Variants in SAMD5 observed in about 807,000 individuals in gnomAD.
The protein encoded by SAMD5 is sterile alpha motif domain containing 5, also known as sterile alpha motif domain-containing protein 5.
SAMD5 carries 13 observed loss-of-function variants against 11.3 expected under a neutral mutation model. The ratio of observed to expected loss-of-function variants is 1.15; its 90% confidence interval spans 0.75 to 1.83. SAMD5 has a LOEUF of 1.83. Ranked by LOEUF, SAMD5 falls within the 40% of genes most tolerant of loss-of-function variation. SAMD5 has a pLI of 0.00. For synonymous variants in SAMD5, 129 were observed against 111.3 expected, an observed-to-expected ratio of 1.16 and a Z score of -1.00; for missense variants, 255 against 239.1, an observed-to-expected ratio of 1.07 and a Z score of -0.44.
At chr6:147,813,937 AT>A in the SAMD5 span, among the ~76,000 whole-genome samples, 2 of 152,182 alleles carry the variant, frequency 1.3e-5, no homozygotes, top group Non-Finnish European at 2.9e-5. Flanking sequence ...CCATTTCCTT[AT>A]TGGGACTGGC....
At chr6:147,927,595 C>G in the SAMD5 span, among the ~76,000 whole-genome samples, 1 of 152,114 alleles carries the variant, frequency 6.6e-6, no homozygotes, top group African/African-American at 2.4e-5. Flanking sequence ...GATATTGAAT[C>G]ACGTAGATAT....
intron 1 of SAMD5, among the ~76,000 whole-genome samples, chr6:147,592,894 T>C (rs1415728854): frequency 6.6e-6 from 1 of 152,190 alleles, no homozygotes; most frequent in African/African-American, 2.4e-5. Context: ...TCATCCACCA[T>C]TGAGATCTTG....
the SAMD5 span, among the ~76,000 whole-genome samples, chr6:147,911,698 T>C: frequency 6.6e-6 from 1 of 152,248 alleles, no homozygotes; most frequent in Non-Finnish European, 1.5e-5. Context: ...GTACCAGTTA[T>C]CTATTGCTGT....
At chr6:147,844,881 G>A in the SAMD5 span, among the ~76,000 whole-genome samples, 3 of 152,060 alleles carry the variant, frequency 2.0e-5, no homozygotes, top group African/African-American at 4.8e-5. Context: ...GATGTTGGTC[G>A]ATAGGTACAA....
At chr6:147,932,626 GT>G in the SAMD5 span, among the ~76,000 whole-genome samples, 4 of 141,044 alleles carry the variant, frequency 2.8e-5, no homozygotes, top group Non-Finnish European at 6.1e-5. Flanking sequence ...GTGTGTGTGT[GT>G]GTGTGTGTGT....
chr6:147,721,792 A>C (rs2128459290), intron 1 of SAMD5, among the ~76,000 whole-genome samples: 1 of 152,288 alleles, frequency 6.6e-6, no homozygotes, highest in South Asian at 2.1e-4. Flanking sequence ...AATTGTGTTG[A>C]AAGTTTTATA....
the SAMD5 span, among the ~76,000 whole-genome samples, chr6:147,757,597 G>T: frequency 6.6e-6 from 1 of 152,126 alleles, no homozygotes; most frequent in Non-Finnish European, 1.5e-5. Context: ...GCTAGTGTTT[G>T]TATCATAGCA....
the SAMD5 span, among the ~76,000 whole-genome samples, chr6:147,815,221 C>T: frequency 4.6e-5 from 7 of 152,224 alleles, no homozygotes; most frequent in African/African-American, 9.6e-5. Flanking sequence ...TTACCAGCCT[C>T]GTTCACTGCC....
the SAMD5 span, among the ~76,000 whole-genome samples, chr6:147,908,151 G>A: frequency 2.8e-4 from 42 of 152,238 alleles, no homozygotes; most frequent in Non-Finnish European, 5.0e-4. Context: ...TGTTTAAAAT[G>A]TTTCTATATT....
chr6:147,832,481 G>T, the SAMD5 span, among the ~76,000 whole-genome samples: 6 of 152,188 alleles, frequency 3.9e-5, no homozygotes, highest in South Asian at 8.3e-4. Flanking sequence ...AACTGTCCCT[G>T]CAATCTGTCT....
the SAMD5 span, among the ~76,000 whole-genome samples, chr6:147,941,331 G>C: frequency 6.6e-6 from 1 of 152,288 alleles, no homozygotes; most frequent in East Asian, 1.9e-4. Flanking sequence ...ATTTAATTAA[G>C]TGCACAAATT....
At chr6:147,631,079 A>G (rs1358074658) in intron 1 of SAMD5, among the ~76,000 whole-genome samples, 1 of 152,134 alleles carries the variant, frequency 6.6e-6, no homozygotes, top group African/African-American at 2.4e-5. Context: ...GGGCTGCTTC[A>G]AGCGGGATTA....
chr6:147,852,449 A>G, the SAMD5 span, among the ~76,000 whole-genome samples: 10 of 150,834 alleles, frequency 6.6e-5, no homozygotes, highest in African/African-American at 2.5e-4. Flanking sequence ...ACATTGTATT[A>G]TGAACATGTG....
the SAMD5 span, among the ~76,000 whole-genome samples, chr6:147,826,067 C>A: frequency 6.6e-6 from 1 of 152,184 alleles, no homozygotes; most frequent in Non-Finnish European, 1.5e-5. Context: ...CTACACCTGC[C>A]TTATGGTAGA....
At chr6:147,583,380 C>G (rs1209239179) in intron 1 of SAMD5, among the ~76,000 whole-genome samples, 5 of 152,136 alleles carry the variant, frequency 3.3e-5, no homozygotes, top group African/African-American at 1.2e-4. Context: ...AATTGCTAGG[C>G]CTTTGAGCTT....
intron 1 of SAMD5, among the ~76,000 whole-genome samples, chr6:147,546,455 A>C (rs1325350000): frequency 6.9e-6 from 1 of 145,534 alleles, no homozygotes; most frequent in Non-Finnish European, 1.5e-5. Flanking sequence ...TCTTGAACCC[A>C]GGAGGTGGAG....
the SAMD5 span, among the ~76,000 whole-genome samples, chr6:147,860,427 T>C: frequency 2.6e-5 from 4 of 152,194 alleles, no homozygotes; most frequent in Admixed American, 6.5e-5. Flanking sequence ...GTTCAACCCA[T>C]AACAACTAAT....
the SAMD5 span, among the ~76,000 whole-genome samples, chr6:147,787,556 C>T: frequency 6.6e-6 from 1 of 152,086 alleles, no homozygotes; most frequent in Non-Finnish European, 1.5e-5. Flanking sequence ...TGGACTCAGT[C>T]CTGAATTGTC....
chr6:147,612,326 C>A (rs1315048911), intron 1 of SAMD5, among the ~76,000 whole-genome samples: 2 of 152,142 alleles, frequency 1.3e-5, no homozygotes, highest in Admixed American at 1.3e-4. Context: ...ATGTGTGCAA[C>A]TTTTATACTA....
Sources: gnomAD v4.1 joint callset for allele counts (sites outside exome capture counted in the v4.1 genomes callset) on GRCh38, gnomAD v4.1.1 for gene constraint, MANE v1.5 for transcripts, NCBI Gene and HGNC (gene_info 2026-07-23, HGNC 2026-07-21) for gene names.